DIS3L2: variants seen among roughly 807,000 people sequenced by gnomAD.
DIS3L2 encodes the protein DIS3-like exonuclease 2.
DIS3L2 carries 34 observed loss-of-function variants against 97.5 expected under a neutral mutation model. That is an observed-to-expected ratio of 0.35 (90% CI 0.27 to 0.46). DIS3L2 has a LOEUF of 0.46. DIS3L2 is among the 20% of genes least tolerant of loss of function. The pLI is 1.00. For missense variants in DIS3L2, 1,038 were observed against 1,146.0 expected (o/e 0.91, Z 1.36); for synonymous variants, 435 against 445.2 (o/e 0.98, Z 0.29).
chr2:232,270,954 G>A (rs1174847277), intron 13 of DIS3L2, among the ~76,000 whole-genome samples: 1 of 148,732 alleles, frequency 6.7e-6, no homozygotes, highest in Non-Finnish European at 1.5e-5. Flanking sequence ...TCTCTCAGGT[G>A]TCTAGGTCTC....
chr2:232,249,302 A>G lies in DIS3L2; in HGVS notation c.1381A>G (p.Lys461Glu). Reference sequence around the variant, plus strand: ...GTGCAGCCTCAACCCCATGTCCGACAAGCTGACCTTCTCTGTGATCTGGAC... The same window carrying G: ...GTGCAGCCTCAACCCCATGTCCGACGAGCTGACCTTCTCTGTGATCTGGAC... ...ELCSLNPMSD[K>E]LTFSVIWTLT... is the part of the protein sequence containing the mutation. The change falls in exon 12 of 21, where the codon AAG becomes GAG. Residue 461 changes from lysine (K) to glutamate (E), a missense_variant. Physicochemically the swap from Lys to Glu is moderately conservative, Grantham distance 56 (BLOSUM62 1). Around this residue, in one of 3 missense-constraint regions of DIS3L2, gnomAD observed 813 missense variants for 880.1 expected, o/e 0.92. Coordinates refer to ENST00000325385, the MANE Select transcript of DIS3L2 (RefSeq NM_152383.5). The G allele has an allele frequency of 6.2e-7, 1 of 1,614,232 alleles. No individual in the cohort carries two copies. The highest frequency in any genetic ancestry group is 8.5e-7 in the Non-Finnish European group (1 of 1,180,044).
At chr2:232,322,494 G>A (rs1486728135) in intron 14 of DIS3L2, among the ~76,000 whole-genome samples, 3 of 152,220 alleles carry the variant, frequency 2.0e-5, no homozygotes, top group Non-Finnish European at 4.4e-5. Flanking sequence ...CACTGGGTGT[G>A]GGGGACCAGT....
At chr2:232,201,502 A>G (rs1691892093) in intron 9 of DIS3L2, among the ~76,000 whole-genome samples, 1 of 152,272 alleles carries the variant, frequency 6.6e-6, no homozygotes, top group African/African-American at 2.4e-5. Flanking sequence ...AAAACAAAAG[A>G]TAGTTGAGCA....
intron 12 of DIS3L2, among the ~76,000 whole-genome samples, chr2:232,257,928 T>C (rs977905601): frequency 1.3e-5 from 2 of 152,224 alleles, no homozygotes; most frequent in African/African-American, 4.8e-5. Context: ...CTGGATCTGG[T>C]CTTGGCCGCC....
intron 1 of DIS3L2, among the ~76,000 whole-genome samples, chr2:232,001,336 G>A (rs1693896470): frequency 6.6e-6 from 1 of 151,988 alleles, no homozygotes; most frequent in Non-Finnish European, 1.5e-5. Context: ...TATACCTGTT[G>A]GTAATTTATG....
intron 1 of DIS3L2, among the ~76,000 whole-genome samples, chr2:231,997,144 T>C (rs1693752819): frequency 6.6e-6 from 1 of 152,234 alleles, no homozygotes; most frequent in Non-Finnish European, 1.5e-5. Flanking sequence ...GAAGCAAAGG[T>C]TTAGAAACAA....
intron 6 of DIS3L2, chr2:232,111,366 C>G (rs888918422): frequency 1.4e-5 from 6 of 422,770 alleles, no homozygotes; most frequent in African/African-American, 1.2e-4. Flanking sequence ...CTAGTGTTTG[C>G]TTCCCTTTTC....
At chr2:232,080,660 G>T (rs930811025) in intron 5 of DIS3L2, among the ~76,000 whole-genome samples, 1 of 151,966 alleles carries the variant, frequency 6.6e-6, no homozygotes, top group Non-Finnish European at 1.5e-5. Flanking sequence ...CAGCACTTTG[G>T]GAGGCTAAGG....
intron 10 of DIS3L2, among the ~76,000 whole-genome samples, chr2:232,213,311 T>TA (rs1170114706): frequency 6.6e-6 from 1 of 152,188 alleles, no homozygotes; most frequent in Non-Finnish European, 1.5e-5. Context: ...GGTGATCAGA[T>TA]ACCTTCCATC....
intron 9 of DIS3L2, among the ~76,000 whole-genome samples, chr2:232,207,401 A>G (rs141775766): frequency 2.6e-5 from 4 of 152,348 alleles, no homozygotes; most frequent in Admixed American, 2.6e-4. Context: ...TTCATTCAAC[A>G]AACATGTCTG....
chr2:232,090,978 T>C (rs1366180666), intron 6 of DIS3L2, among the ~76,000 whole-genome samples: 1 of 152,224 alleles, frequency 6.6e-6, no homozygotes, highest in Non-Finnish European at 1.5e-5. Flanking sequence ...ATTCATACAG[T>C]AGTTTCTTTG....
At chr2:232,317,564 G>A (rs565859104) in intron 14 of DIS3L2, among the ~76,000 whole-genome samples, 2 of 152,020 alleles carry the variant, frequency 1.3e-5, no homozygotes, top group Non-Finnish European at 2.9e-5. Context: ...AGCCTCCCGG[G>A]TAGCTGGGAT....
At position 232,015,692 on chromosome 2, in the gene DIS3L2, G is replaced by C. The variant is rs1460310443; in HGVS notation, c.210+21G>C. On this transcript the variant is annotated intron_variant, in intron 3 of 20. Transcript: ENST00000325385. ...TCCAGGTGCTTAAAATCTACTGGAA[G>C]GCTATTCTCTGAATATGTAGAATCC... is the stretch of plus-strand genomic sequence containing the variant. 3.1e-6 allele frequency: 5 copies of C among 1,611,970 alleles called. No homozygotes were observed. In the Admixed American group the frequency reaches 8.3e-5, roughly 27 times the overall value.
downstream of DIS3L2, among the ~76,000 whole-genome samples, chr2:232,337,813 A>C (rs113265428): frequency 0.019 from 2,855 of 151,668 alleles, 84 homozygotes; most frequent in African/African-American, 0.065. Flanking sequence ...AGCGACAGTG[A>C]CTGGGTACTG....
At chr2:231,975,013 C>T (rs1164260527) in intron 1 of DIS3L2, among the ~76,000 whole-genome samples, 1 of 152,158 alleles carries the variant, frequency 6.6e-6, no homozygotes, top group Non-Finnish European at 1.5e-5. Flanking sequence ...TATCGTTTGT[C>T]TCACCATAAT....
rs962352242 is a variant in DIS3L2, at chr2:231,982,267, A to G, written c.-94+20502A>G. On this transcript the variant is annotated intron_variant, in intron 1 of 20. Transcript: ENST00000325385. ...ATGTTCATAAATGAGATTGGCCTGT[A>G]TTCTTTGCTTTCCTTACTTGGCTTT... 1.3e-5 allele frequency among the ~76,000 whole-genome samples: 2 copies of G among 152,110 alleles called. 1 individual carries two copies. The highest frequency in any genetic ancestry group is 4.8e-5 in the African/African-American group (2 of 41,406).
At chr2:232,247,769 A>T (rs1048130975) in intron 11 of DIS3L2, among the ~76,000 whole-genome samples, 1 of 152,128 alleles carries the variant, frequency 6.6e-6, no homozygotes, top group Non-Finnish European at 1.5e-5. Context: ...ACAGGTGAAG[A>T]TGTATCATTT....
intron 9 of DIS3L2, among the ~76,000 whole-genome samples, chr2:232,171,130 G>C (rs934624257): frequency 2.0e-5 from 3 of 152,188 alleles, no homozygotes; most frequent in African/African-American, 7.2e-5. Flanking sequence ...TAAATCTGGG[G>C]AAGTGGAGAG....
rs145980270 is a variant in DIS3L2 at position 232,310,267 on chromosome 2, A to G, written c.1739+10148A>G. 1.8e-4 allele frequency among the ~76,000 whole-genome samples: 27 copies of G among 152,296 alleles called. No homozygotes were observed. The East Asian group carries it at 4.8e-3, about 27-fold the overall frequency. ...GAGGAGGGGCTTGGGGGAAGTTGGA[A>G]GCGATGCAGCCAGAGAGGTGCCAGG... On this transcript the variant is annotated intron_variant, in intron 14 of 20. Transcript: ENST00000325385.
Sources: allele counts gnomAD v4.1 joint callset (sites outside exome capture counted in the v4.1 genomes callset), GRCh38; gene constraint gnomAD v4.1.1; regional missense constraint gnomAD v4.1.1; transcripts MANE v1.5; gene names NCBI Gene and HGNC (gene_info 2026-07-23, HGNC 2026-07-21).